RBFOX1: variants seen among roughly 807,000 people sequenced by gnomAD.
RBFOX1 encodes RNA binding fox-1 homolog 1.
RBFOX1 carries 8 observed loss-of-function variants against 57.7 expected under a neutral mutation model. The observed-to-expected ratio is 0.14, with a 90% CI of 0.08 to 0.25. The LOEUF (loss-of-function observed/expected upper bound fraction) is 0.25, where lower values mean the gene tolerates loss of function less well. Among genes scored for constraint, RBFOX1 ranks in the 10% least tolerant of loss-of-function variants. The pLI, the probability that RBFOX1 is intolerant of heterozygous loss-of-function variation, is 1.00. For missense variants in RBFOX1, 611 were observed against 548.5 expected (o/e 1.11, Z -1.14); for synonymous variants, 326 against 222.4 (o/e 1.47, Z -4.15).
chr16:6,536,086 G>C (rs917175836), intron 2 of RBFOX1, among the ~76,000 whole-genome samples: 1 of 152,150 alleles, frequency 6.6e-6, no homozygotes, highest in Non-Finnish European at 1.5e-5. Flanking sequence ...GGTGATACAG[G>C]AGTATTAATT....
At position 7,569,865 on chromosome 16, in the gene RBFOX1, AAAAAC is replaced by A. The variant is rs1250172340; in HGVS notation, c.271-9899_271-9895del. Among the ~76,000 whole-genome samples, 5 of 152,004 alleles carry A rather than the reference AAAAAC, an allele frequency of 3.3e-5. No homozygotes were observed. The East Asian group carries it at 7.7e-4, about 23-fold the overall frequency. ...GGGAGTGAGCGCCTCTGTCTCCAAA[AAAAAC>A]AAAACAAAACAATACAGCTAGTGAA... is the stretch of plus-strand genomic sequence containing the variant. On this transcript the variant is annotated intron_variant, in intron 5 of 15. Transcript: ENST00000550418.
chr16:5,376,664 C>T (rs779736380), intron 1 of RBFOX1, among the ~76,000 whole-genome samples: 1 of 151,880 alleles, frequency 6.6e-6, no homozygotes, highest in African/African-American at 2.4e-5. Flanking sequence ...AGGCGTGGCA[C>T]ATGCTGCGGG....
At chr16:6,932,295 C>T (rs1003246475) in intron 3 of RBFOX1, among the ~76,000 whole-genome samples, 4 of 151,988 alleles carry the variant, frequency 2.6e-5, no homozygotes, top group African/African-American at 7.3e-5. Context: ...TCAGTAGAGA[C>T]GGGGTTTCAC....
At chr16:7,392,652 G>C (rs2098055434) in intron 4 of RBFOX1, among the ~76,000 whole-genome samples, 1 of 152,142 alleles carries the variant, frequency 6.6e-6, no homozygotes, top group African/African-American at 2.4e-5. Context: ...GTTAAGCTGA[G>C]TAGGTGATAA....
intron 1 of RBFOX1, among the ~76,000 whole-genome samples, chr16:6,235,443 A>G (rs1415498409): frequency 4.6e-5 from 7 of 152,086 alleles, no homozygotes; most frequent in Non-Finnish European, 1.0e-4. Flanking sequence ...TGAAAAAGAC[A>G]CTTGCACATG....
chr16:5,317,176 T>A (rs1487111088), intron 1 of RBFOX1, among the ~76,000 whole-genome samples: 4 of 152,054 alleles, frequency 2.6e-5, no homozygotes, highest in African/African-American at 9.7e-5. Flanking sequence ...GTGAACCAAT[T>A]CCCTTAATAA....
At chr16:6,487,144 C>CTGGGTG (rs2095501165) in intron 2 of RBFOX1, among the ~76,000 whole-genome samples, 1 of 140,116 alleles carries the variant, frequency 7.1e-6, no homozygotes. Context: ...TGTGGGGTTT[C>CTGGGTG]TGTGTGTGTG....
rs2095231291 is a variant in RBFOX1, at chr16:7,605,069, C to A, written c.623-2216C>A. The stretch of plus-strand genomic sequence containing the variant: ...TAGAAAGAAAGAACATTAAATATGT[C>A]TGCAGCTTTATTTTCAACTAGTTTT... On this transcript the variant is annotated intron_variant, in intron 9 of 15. Coordinates refer to ENST00000550418, the MANE Select transcript of RBFOX1 (RefSeq NM_018723.4). Among the ~76,000 whole-genome samples, 3 of 152,074 alleles carry A rather than the reference C, an allele frequency of 2.0e-5. No individual in the cohort carries two copies. In the South Asian group the frequency reaches 6.2e-4, roughly 32 times the overall value.
intron 3 of RBFOX1, among the ~76,000 whole-genome samples, chr16:6,922,638 C>A (rs941897006): frequency 1.3e-5 from 2 of 152,094 alleles, no homozygotes; most frequent in Admixed American, 6.5e-5. Flanking sequence ...GTGAAATGTG[C>A]AGCCACCTGT....
chr16:6,911,300 G>A (rs1198008284), intron 3 of RBFOX1, among the ~76,000 whole-genome samples: 4 of 151,942 alleles, frequency 2.6e-5, no homozygotes, highest in Admixed American at 6.6e-5. Flanking sequence ...AGGAGGCTTC[G>A]GCAACAGAAA....
chr16:5,790,972 G>A (rs931325631), intron 3 of RBFOX1, among the ~76,000 whole-genome samples: 2 of 151,374 alleles, frequency 1.3e-5, no homozygotes, highest in Non-Finnish European at 2.9e-5. Context: ...GGGTTCAAGT[G>A]ATTCTTTTGC....
chr16:7,095,376 A>G lies in RBFOX1; in HGVS notation c.27+43278A>G, dbSNP rs144884531. 5.3e-3 allele frequency among the ~76,000 whole-genome samples: 803 copies of G among 152,122 alleles called. 10 individuals are homozygous for G. Among genetic ancestry groups the G allele is most frequent in the African/African-American group, 0.018 (761 of 41,504 alleles). Reference sequence around the variant, plus strand: ...TGGTCTCGAACTCCTGACCTCAGGTAATCGACCTGCCTCAGCCTCCCACAG... The same window carrying G: ...TGGTCTCGAACTCCTGACCTCAGGTGATCGACCTGCCTCAGCCTCCCACAG... On this transcript the variant is annotated intron_variant, in intron 4 of 15. Coordinates refer to ENST00000550418, the MANE Select transcript of RBFOX1 (RefSeq NM_018723.4).
chr16:5,717,892 T>C (rs1432674855), intron 3 of RBFOX1, among the ~76,000 whole-genome samples: 6 of 152,242 alleles, frequency 3.9e-5, no homozygotes, highest in African/African-American at 1.2e-4. Flanking sequence ...AGGTCGAAGG[T>C]ACTGAGCATC....
chr16:6,413,183 G>A (rs986811618), intron 2 of RBFOX1, among the ~76,000 whole-genome samples: 1 of 152,124 alleles, frequency 6.6e-6, no homozygotes, highest in African/African-American at 2.4e-5. Context: ...GCTGGGTGTG[G>A]TGGCACATGC....
At chr16:6,588,553 G>A (rs1600733164) in intron 2 of RBFOX1, among the ~76,000 whole-genome samples, 1 of 152,108 alleles carries the variant, frequency 6.6e-6, no homozygotes. Context: ...TCTGGAGGCT[G>A]AGGCTGGAGA....
chr16:5,587,968 C>T (rs1280082605), intron 2 of RBFOX1, among the ~76,000 whole-genome samples: 2 of 152,074 alleles, frequency 1.3e-5, no homozygotes, highest in Non-Finnish European at 2.9e-5. Flanking sequence ...AAATGTCCAT[C>T]AGCAGATTCG....
chr16:6,615,702 C>G (rs1005820336), intron 2 of RBFOX1, among the ~76,000 whole-genome samples: 1 of 152,130 alleles, frequency 6.6e-6, no homozygotes, highest in African/African-American at 2.4e-5. Flanking sequence ...AGGAGAACAT[C>G]AATGCAAACA....
At chr16:6,810,946 C>G (rs1001824046) in intron 3 of RBFOX1, among the ~76,000 whole-genome samples, 2 of 152,086 alleles carry the variant, frequency 1.3e-5, no homozygotes, top group Admixed American at 6.5e-5. Flanking sequence ...TTGCTTCCAA[C>G]CATACACGTA....
At chr16:6,505,648 C>T (rs547161817) in intron 2 of RBFOX1, among the ~76,000 whole-genome samples, 2 of 152,244 alleles carry the variant, frequency 1.3e-5, no homozygotes, top group South Asian at 2.1e-4. Flanking sequence ...GAACTCTACT[C>T]ATTTAAATGG....
Sources: gnomAD v4.1 joint callset for allele counts (sites outside exome capture counted in the v4.1 genomes callset) on GRCh38, gnomAD v4.1.1 for gene constraint, MANE v1.5 for transcripts, NCBI Gene and HGNC (gene_info 2026-07-23, HGNC 2026-07-21) for gene names.